ALOXE3: variants seen among roughly 807,000 people sequenced by gnomAD.
The protein encoded by ALOXE3 is hydroperoxide isomerase ALOXE3.
ALOXE3 carries 78 observed loss-of-function variants against 87.5 expected under a neutral mutation model. The observed-to-expected ratio is 0.89, with a 90% CI of 0.74 to 1.08. The LOEUF (loss-of-function observed/expected upper bound fraction) is 1.08. ALOXE3 is among the 50% of genes least tolerant of loss of function. The probability of loss-of-function intolerance (pLI) is 0.00; values close to 1 mark genes in which losing one functional copy is unlikely to be tolerated. For missense variants in ALOXE3, 946 were observed against 912.4 expected, an observed-to-expected ratio of 1.04 and a Z score of -0.47; for synonymous variants, 363 against 370.8, an observed-to-expected ratio of 0.98 and a Z score of 0.24.
At chr17:8,110,361 C>A in intron 9 of ALOXE3, 24 bp downstream of exon 9, 1 of 1,604,962 alleles carries the variant, frequency 6.2e-7, no homozygotes, top group Non-Finnish European at 8.5e-7. Context: ...AGCCCCCATC[C>A]CGGGGCGGCG....
In ALOXE3 at chr17:8,115,618, T is replaced by C. The variant is rs915715940; in HGVS notation, c.423A>G (p.Gln141=). 2.5e-6 allele frequency: 4 copies of C among 1,613,648 alleles called. No individual in the cohort carries two copies. Among genetic ancestry groups the C allele is most frequent in the Non-Finnish European group, 3.4e-6 (4 of 1,179,622 alleles). Reference sequence around the variant, plus strand: ...TAGGCCACCCTCACCGGTAGCATTCTTGTCGGGCCCGGAGCTCCCGTGTCC... The same window carrying C: ...TAGGCCACCCTCACCGGTAGCATTCCTGTCGGGCCCGGAGCTCCCGTGTCC... ...DHRTRELRAR[Q]ECYRWKIYAP... The change falls in exon 4 of 16, where the codon CAA becomes CAG. Residue 141 remains glutamine, a synonymous_variant. Transcript: ENST00000448843.
At chr17:8,118,616 C>G, upstream of ALOXE3, 1 of 1,535,354 alleles carries the variant, frequency 6.5e-7, no homozygotes, top group Non-Finnish European at 8.7e-7. Context: ...GTCAAATGGT[C>G]AGGAACAGCT....
intron 4 of ALOXE3, among the ~76,000 whole-genome samples, chr17:8,115,333 G>C (rs1027881520): frequency 2.0e-5 from 3 of 152,210 alleles, no homozygotes; most frequent in African/African-American, 7.2e-5. Context: ...GAGATTGGTG[G>C]ATACTTCAGG....
In ALOXE3 at chr17:8,110,543, C is replaced by A. The variant is rs753739829; in HGVS notation, c.958-15G>T. On this transcript the variant is annotated splice_polypyrimidine_tract_variant and intron_variant, in intron 8 of 15. Coordinates refer to ENST00000448843, the MANE Select transcript of ALOXE3 (RefSeq NM_021628.3). Reference sequence around the variant, plus strand: ...ATGTTCCCCCTCTGCAGAAGGCACACAGAGGCTGAGTGTCCCTCCCTACTC... The same window carrying A: ...ATGTTCCCCCTCTGCAGAAGGCACAAAGAGGCTGAGTGTCCCTCCCTACTC... 3.1e-6 allele frequency: 5 copies of A among 1,613,722 alleles called. No homozygotes were observed. The highest frequency in any genetic ancestry group is 4.2e-6 in the Non-Finnish European group (5 of 1,179,860).
Position 8,115,111 on chromosome 17 carries a change from T to C in ALOXE3, c.435-54A>G. 3 of 1,609,628 alleles carry C rather than the reference T, an allele frequency of 1.9e-6. No individual in the cohort carries two copies. The South Asian group carries it at 3.3e-5, about 18-fold the overall frequency. On this transcript the variant is annotated intron_variant, in intron 4 of 15. Transcript: ENST00000448843. Reference sequence around the variant, plus strand: ...AGGTCATGCTCGGGATAAACACAAGTCTTAGCTTTAAAGACACGGCTTCAG... The same window carrying C: ...AGGTCATGCTCGGGATAAACACAAGCCTTAGCTTTAAAGACACGGCTTCAG...
chr17:8,117,533 C>T (rs928871447), intron 2 of ALOXE3, among the ~76,000 whole-genome samples: 17 of 152,216 alleles, frequency 1.1e-4, no homozygotes, highest in African/African-American at 4.1e-4. Context: ...GCAGGCAGAT[C>T]CCCTCGATAA....
At chr17:8,112,004 G>T (rs965146255) in intron 7 of ALOXE3, 89 bp downstream of exon 7, 2 of 1,220,256 alleles carry the variant, frequency 1.6e-6, no homozygotes, top group Admixed American at 1.7e-5. Context: ...TGGGAGGGCT[G>T]GGAGAGGGCC....
intron 15 of ALOXE3, 125 bp downstream of exon 15, chr17:8,103,198 C>T: frequency 8.7e-7 from 1 of 1,150,856 alleles, no homozygotes; most frequent in Non-Finnish European, 1.3e-6. Flanking sequence ...AATTGAAGAA[C>T]CCAAGGCAGT....
At chr17:8,111,278 C>T in intron 8 of ALOXE3, 81 bp downstream of exon 8, 4 of 1,561,058 alleles carry the variant, frequency 2.6e-6, no homozygotes, top group Non-Finnish European at 2.6e-6. Flanking sequence ...CATTTCCATA[C>T]CCTCCACACA....
chr17:8,111,723 G>A (rs1385173151), intron 7 of ALOXE3, among the ~76,000 whole-genome samples, 192 bp from the exon 8 acceptor site: 1 of 152,188 alleles, frequency 6.6e-6, no homozygotes, highest in Non-Finnish European at 1.5e-5. Context: ...CAGCTGAGTG[G>A]CAGAGCAGGG....
At position 8,114,967 on chromosome 17, in the gene ALOXE3, C is replaced by G. The variant is rs758689730; in HGVS notation, c.525G>C (p.Lys175Asn). Reference sequence around the variant, plus strand: ...CACCCTGGTCTACACAAGTTGTCGTCTTTGTCAAGGCAAATTTCTTGTCTG... The same window carrying G: ...CACCCTGGTCTACACAAGTTGTCGTGTTTGTCAAGGCAAATTTCTTGTCTG... The part of the protein sequence containing the change: ...MESDKKFALT[K>N]TTTCVDQGDS... The change falls in exon 5 of 16, where the codon AAG becomes AAC. Residue 175 changes from lysine to asparagine, a missense_variant. Physicochemically the swap from Lys to Asn is moderately conservative, Grantham distance 94. Coordinates refer to ENST00000448843, the MANE Select transcript of ALOXE3 (RefSeq NM_021628.3). 1 of 1,614,174 alleles carries G rather than the reference C, an allele frequency of 6.2e-7. No homozygotes were observed. Among genetic ancestry groups the G allele is most frequent in the Middle Eastern group, 1.6e-4 (1 of 6,062 alleles).
At chr17:8,098,500 A>G (rs778998296) in intron 15 of ALOXE3, among the ~76,000 whole-genome samples, 12 of 152,076 alleles carry the variant, frequency 7.9e-5, no homozygotes, top group Non-Finnish European at 1.6e-4. Context: ...TCAGCCTCCC[A>G]AAGTGCTGAG....
intron 4 of ALOXE3, 55 bp from the exon 5 acceptor site, chr17:8,115,112 C>T: frequency 6.2e-7 from 1 of 1,609,462 alleles, no homozygotes; most frequent in South Asian, 1.1e-5. Context: ...AAACACAAGT[C>T]TTAGCTTTAA....
chr17:8,107,838 A>AGGTTGGTGGTTGGAGGGGCC (rs1567996043), intron 13 of ALOXE3, among the ~76,000 whole-genome samples: 1 of 5,480 alleles, frequency 1.8e-4, no homozygotes. Flanking sequence ...AGAAAGAAAG[A>AGGTTGGTGGTTGGAGGGGCC]AAGAAAGAAA....
At chr17:8,115,131 C>T in intron 4 of ALOXE3, 74 bp from the exon 5 acceptor site, 1 of 1,588,512 alleles carries the variant, frequency 6.3e-7, no homozygotes, top group East Asian at 2.2e-5. Context: ...AAAGACACGG[C>T]TTCAGATTAA....
intron 6 of ALOXE3, among the ~76,000 whole-genome samples, chr17:8,113,319 A>G (rs1314689716): frequency 6.6e-6 from 1 of 152,238 alleles, no homozygotes; most frequent in Non-Finnish European, 1.5e-5. Flanking sequence ...CACCATATCC[A>G]GTTCATAATA....
rs573529508 is a variant in ALOXE3 at position 8,099,045 on chromosome 17, G to A, written c.1957-2239C>T. Among the ~76,000 whole-genome samples, 688 of 141,728 alleles carry A rather than the reference G, an allele frequency of 4.9e-3. 2 individuals are homozygous for A. Among genetic ancestry groups the A allele is most frequent in the Non-Finnish European group, 8.2e-3 (543 of 66,030 alleles). 93.0% of individuals were successfully genotyped at this position (141,728 alleles called of 152,430 possible). On this transcript the variant is annotated intron_variant, in intron 15 of 15. Transcript: ENST00000448843. ...TTCTTTTTTTTTTTTTTTTTGGAGA[G>A]ACAAGGTCTCACTATATTACTCAGG...
intron 15 of ALOXE3, among the ~76,000 whole-genome samples, chr17:8,099,535 C>T (rs2151829453): frequency 6.6e-6 from 1 of 152,064 alleles, no homozygotes; most frequent in Middle Eastern, 3.4e-3. Context: ...ATGGTGCATG[C>T]CTGTAATCCC....
rs143323346 is a variant in ALOXE3, at chr17:8,096,730, C to T, written c.2033G>A (p.Arg678His). ...GATGTCCCTTGAGATCTGGGCCAGG[C>T]GGCTCTGGAAGGCGGCGATGCTCCG... ...PRRSIAAFQSRLAQISRDIQE... is the reference protein window; with the variant it reads ...PRRSIAAFQSHLAQISRDIQE... The change falls in exon 16 of 16, where the codon CGC (arginine) becomes CAC (histidine). Residue 678 changes from arginine (R) to histidine (H), a missense_variant. Physicochemically the swap from Arg to His is conservative, Grantham distance 29. Coordinates refer to ENST00000448843, the MANE Select transcript of ALOXE3 (RefSeq NM_021628.3). 246 of 1,613,952 alleles carry T rather than the reference C, an allele frequency of 1.5e-4. No individual in the cohort carries two copies. Among genetic ancestry groups the T allele is most frequent in the East Asian group, 4.5e-5 (2 of 44,884 alleles).
Sources: allele counts gnomAD v4.1 joint callset (sites outside exome capture counted in the v4.1 genomes callset), GRCh38; gene constraint gnomAD v4.1.1; transcripts MANE v1.5; gene names NCBI Gene and HGNC (gene_info 2026-07-23, HGNC 2026-07-21).